Variants in PIBF1 observed in about 807,000 individuals in gnomAD.
PIBF1 encodes the protein progesterone immunomodulatory binding factor 1.
PIBF1 carries 90 observed loss-of-function variants against 112.5 expected under a neutral mutation model. That is an observed-to-expected ratio of 0.80 (90% confidence interval 0.67 to 0.95). The LOEUF is 0.95. PIBF1 is among the 40% of genes least tolerant of loss of function. The pLI, the probability that PIBF1 is intolerant of heterozygous loss-of-function variation, is 0.00. For missense variants in PIBF1, 915 were observed against 852.3 expected, an observed-to-expected ratio of 1.07 and a Z score of -0.92; for synonymous variants, 301 against 288.6, an observed-to-expected ratio of 1.04 and a Z score of -0.44.
intron 14 of PIBF1, among the ~76,000 whole-genome samples, chr13:72,945,488 G>A (rs6562732): frequency 0.99 from 151,052 of 152,322 alleles, 74,910 homozygotes; most frequent in Middle Eastern, 1. Flanking sequence ...TGGCTGAACT[G>A]ACTTACATTC....
At chr13:72,961,476 C>A (rs2042606194) in intron 14 of PIBF1, among the ~76,000 whole-genome samples, 1 of 152,098 alleles carries the variant, frequency 6.6e-6, no homozygotes, top group African/African-American at 2.4e-5. Context: ...AAATACAAAT[C>A]ATTTCTTGTC....
At chr13:72,974,421 T>A (rs1323535791) in intron 16 of PIBF1, among the ~76,000 whole-genome samples, 1 of 152,224 alleles carries the variant, frequency 6.6e-6, no homozygotes, top group Admixed American at 6.5e-5. Flanking sequence ...AACTATTGTT[T>A]ACCTTTTACA....
intron 9 of PIBF1, among the ~76,000 whole-genome samples, chr13:72,843,565 C>T (rs772816412): frequency 6.6e-6 from 1 of 152,224 alleles, no homozygotes; most frequent in Non-Finnish European, 1.5e-5. Flanking sequence ...GCATGTGCCA[C>T]TATGCCCAGC....
At chr13:73,006,049 A>G (rs2044023991) in intron 17 of PIBF1, among the ~76,000 whole-genome samples, 1 of 150,508 alleles carries the variant, frequency 6.6e-6, no homozygotes, top group Non-Finnish European at 1.5e-5. Flanking sequence ...CCTCCTGAGT[A>G]GCTGGGATTA....
intron 10 of PIBF1, among the ~76,000 whole-genome samples, chr13:72,881,808 T>A (rs1475765543): frequency 6.6e-6 from 1 of 151,358 alleles, no homozygotes; most frequent in Non-Finnish European, 1.5e-5. Flanking sequence ...GATGGAAAGA[T>A]ATATTCCATG....
intron 14 of PIBF1, among the ~76,000 whole-genome samples, chr13:72,949,298 G>GTTT (rs1566481285): frequency 3.7e-5 from 3 of 80,902 alleles, no homozygotes; most frequent in Non-Finnish European, 4.9e-5. Flanking sequence ...ACAAATAGCT[G>GTTT]TCTTTTTTTT....
intron 8 of PIBF1, among the ~76,000 whole-genome samples, chr13:72,833,823 T>C (rs1209352450): frequency 2.6e-5 from 4 of 152,120 alleles, no homozygotes; most frequent in Admixed American, 6.5e-5. Context: ...GGCAGGGACG[T>C]TTAAGTCTGC....
intron 1 of PIBF1, 86 bp from the exon 2 acceptor site, chr13:72,783,337 G>C: frequency 1.6e-6 from 1 of 643,948 alleles, no homozygotes; most frequent in South Asian, 2.3e-5. Flanking sequence ...ATTTATTTAA[G>C]GAATCCTTAG....
chr13:72,901,635 A>C (rs562754356), intron 11 of PIBF1, among the ~76,000 whole-genome samples: 105 of 152,126 alleles, frequency 6.9e-4, no homozygotes, highest in Middle Eastern at 3.4e-3. Flanking sequence ...CGGTGAGCAA[A>C]GATCATGCCA....
intron 11 of PIBF1, among the ~76,000 whole-genome samples, chr13:72,897,411 CAAA>C (rs556799485): frequency 3.9e-5 from 6 of 151,942 alleles, no homozygotes; most frequent in African/African-American, 1.5e-4. Flanking sequence ...AAAACAACAA[CAAA>C]AAAAGTACAC....
At chr13:72,830,205 A>G (rs149986056) in intron 8 of PIBF1, among the ~76,000 whole-genome samples, 8 of 152,266 alleles carry the variant, frequency 5.3e-5, no homozygotes, top group African/African-American at 9.6e-5. Context: ...TAAATATACA[A>G]TCATGTCATC....
chr13:72,989,322 G>A (rs2138996369), intron 16 of PIBF1, among the ~76,000 whole-genome samples: 1 of 152,322 alleles, frequency 6.6e-6, no homozygotes, highest in African/African-American at 2.4e-5. Flanking sequence ...CCAAAAAGTG[G>A]AAATAACCCA....
intron 5 of PIBF1, among the ~76,000 whole-genome samples, chr13:72,810,132 G>A (rs2035940081): frequency 6.6e-6 from 1 of 152,234 alleles, no homozygotes; most frequent in South Asian, 2.1e-4. Flanking sequence ...ATATGATCTT[G>A]TGTATGGTAC....
intron 16 of PIBF1, among the ~76,000 whole-genome samples, chr13:72,986,572 A>C (rs1302715303): frequency 6.6e-6 from 1 of 152,062 alleles, no homozygotes; most frequent in Non-Finnish European, 1.5e-5. Context: ...CGGAGGCTGT[A>C]ACAGCCCAAT....
At chr13:72,886,024 G>C (rs2039835912) in intron 10 of PIBF1, among the ~76,000 whole-genome samples, 1 of 152,012 alleles carries the variant, frequency 6.6e-6, no homozygotes, top group African/African-American at 2.4e-5. Context: ...CTAAATAAAT[G>C]ACTTTTACAT....
rs1260191821 is a variant in PIBF1 at position 72,894,388 on chromosome 13, C to T, written c.1488+439C>T. On this transcript the variant is annotated intron_variant, in intron 11 of 17. Coordinates refer to ENST00000326291, the MANE Select transcript of PIBF1 (RefSeq NM_006346.4). ...TTTAACTGAAAATAATTCTATAGAA[C>T]AACTGGAAGGAAAAACATACAGAAT... 2.0e-5 allele frequency among the ~76,000 whole-genome samples: 3 copies of T among 151,804 alleles called. No homozygotes were observed. The East Asian group carries it at 5.8e-4, about 29-fold the overall frequency.
chr13:72,861,179 T>A (rs1260044644), intron 10 of PIBF1, among the ~76,000 whole-genome samples: 1 of 152,140 alleles, frequency 6.6e-6, no homozygotes, highest in Non-Finnish European at 1.5e-5. Context: ...ACACTTGTAA[T>A]CCAGGCACTT....
In PIBF1 at chr13:72,792,556, A is replaced by T. The variant is rs773943309; in HGVS notation, c.353+9A>T. On this transcript the variant is annotated intron_variant, in intron 3 of 17. Transcript: ENST00000326291. ...CAACAGAAAGATGCCAGGTAAGAAAAGTTTTTTTTAAAAAAAAAACAACAT... is the reference window on the plus strand; with the variant it reads ...CAACAGAAAGATGCCAGGTAAGAAATGTTTTTTTTAAAAAAAAAACAACAT... 2 of 1,385,738 alleles carry T rather than the reference A, an allele frequency of 1.4e-6. No individual in the cohort carries two copies. The highest frequency in any genetic ancestry group is 2.7e-5 in the South Asian group (2 of 74,886). 85.8% of individuals were successfully genotyped at this position (1,385,738 alleles called of 1,614,324 possible).
At chr13:72,889,804 G>T (rs1027515090) in intron 10 of PIBF1, among the ~76,000 whole-genome samples, 2 of 152,084 alleles carry the variant, frequency 1.3e-5, no homozygotes, top group Non-Finnish European at 2.9e-5. Context: ...GTCATTACAT[G>T]AACCTCACCA....
Sources: allele counts gnomAD v4.1 joint callset (sites outside exome capture counted in the v4.1 genomes callset), GRCh38; gene constraint gnomAD v4.1.1; transcripts MANE v1.5; gene names NCBI Gene and HGNC (gene_info 2026-07-23, HGNC 2026-07-21).